Variants in CACNA2D1 observed in about 807,000 individuals in gnomAD.
CACNA2D1 encodes the protein voltage-dependent calcium channel subunit alpha-2/delta-1.
Under a neutral mutation model 171.5 loss-of-function variants are expected in CACNA2D1, and 53 were observed. The ratio of observed to expected loss-of-function variants is 0.31; its 90% confidence interval spans 0.25 to 0.39. CACNA2D1 has a LOEUF of 0.39. Among genes scored for constraint, CACNA2D1 ranks in the 10% least tolerant of loss-of-function variants. The pLI is 1.00. For missense variants in CACNA2D1, 903 were observed against 1,299.8 expected (o/e 0.69, Z 4.69); for synonymous variants, 442 against 443.1 (o/e 1.00, Z 0.03).
At chr7:82,402,835 C>T (rs538695647) in intron 1 of CACNA2D1, among the ~76,000 whole-genome samples, 7 of 150,602 alleles carry the variant, frequency 4.6e-5, no homozygotes, top group South Asian at 2.1e-4. Flanking sequence ...TCAGAAGTTA[C>T]GGGTTTTTTT....
chr7:82,315,010 C>T (rs1183237923), intron 3 of CACNA2D1, among the ~76,000 whole-genome samples: 1 of 142,614 alleles, frequency 7.0e-6, no homozygotes, highest in Non-Finnish European at 1.5e-5. Flanking sequence ...CAGAGTCTCA[C>T]TCTGTCTCCC....
At chr7:82,404,569 TAGTTAC>T (rs71924452) in intron 1 of CACNA2D1, among the ~76,000 whole-genome samples, 7,086 of 152,280 alleles carry the variant, frequency 0.047, 176 homozygotes, top group Middle Eastern at 0.058. Flanking sequence ...GGAATAAATT[TAGTTAC>T]ATTTCTTGCA....
At chr7:82,306,342 G>A (rs917386291) in intron 3 of CACNA2D1, among the ~76,000 whole-genome samples, 2 of 152,170 alleles carry the variant, frequency 1.3e-5, no homozygotes, top group Non-Finnish European at 2.9e-5. Context: ...AACCTCTCAG[G>A]TGAATATGTC....
chr7:82,060,178 AAT>A (rs1491531516), intron 10 of CACNA2D1, among the ~76,000 whole-genome samples: 166 of 15,910 alleles, frequency 0.01, 13 homozygotes, highest in African/African-American at 0.026. Context: ...ATATATATAT[AAT>A]ATATATATAT....
Position 82,437,819 on chromosome 7 carries a change from T to C in CACNA2D1, c.95+5546A>G, listed in dbSNP as rs183790581. Among the ~76,000 whole-genome samples the C allele has an allele frequency of 4.8e-3, 733 of 152,284 alleles. 3 individuals are homozygous for C. The highest frequency in any genetic ancestry group is 0.017 in the African/African-American group (686 of 41,566). On this transcript the variant is annotated intron_variant, in intron 1 of 38. Transcript: ENST00000356860. Reference sequence around the variant, plus strand: ...AGATGTAAAGCCTACAAAGAAGGGATATTTAAGAGCTTATATTTTACAAAT... The same window carrying C: ...AGATGTAAAGCCTACAAAGAAGGGACATTTAAGAGCTTATATTTTACAAAT...
chr7:82,287,246 G>A (rs1209959330), intron 3 of CACNA2D1, among the ~76,000 whole-genome samples: 2 of 143,804 alleles, frequency 1.4e-5, no homozygotes, highest in Admixed American at 7.0e-5. Flanking sequence ...TAGACTTTTG[G>A]CTTCTTCTTT....
rs148085891 is a variant in CACNA2D1, at chr7:81,970,780, T to C, written c.2142-43A>G. 1,917 of 1,242,056 alleles carry C rather than the reference T, an allele frequency of 1.5e-3. 19 individuals carry two copies. The African/African-American group carries it at 0.022, about 14-fold the overall frequency. The allele number at this position is 1,242,056 out of a possible 1,614,324, so 76.9% of individuals were successfully genotyped here. A position where few individuals can be genotyped will look rare whatever the true frequency, so the allele number is the denominator to read the frequency against. On this transcript the variant is annotated intron_variant, in intron 26 of 38. Transcript: ENST00000356860. Reference sequence around the variant, plus strand: ...ACAAGGAAATGTTCTATTGAACATATTCTAAAAAACAAAGTTAGGTGTTGG... The same window carrying C: ...ACAAGGAAATGTTCTATTGAACATACTCTAAAAAACAAAGTTAGGTGTTGG...
At chr7:81,955,804 T>C (rs938078038) in intron 38 of CACNA2D1, among the ~76,000 whole-genome samples, 4 of 148,906 alleles carry the variant, frequency 2.7e-5, no homozygotes, top group African/African-American at 9.9e-5. Context: ...ATCTGGTACA[T>C]AAATATCCTA....
chr7:82,392,198 A>C (rs1825192608), intron 1 of CACNA2D1, among the ~76,000 whole-genome samples: 1 of 152,164 alleles, frequency 6.6e-6, no homozygotes, highest in Non-Finnish European at 1.5e-5. Context: ...CTGTCCTGCC[A>C]ACCTTTGAAT....
At chr7:82,443,255 C>G in intron 1 of CACNA2D1, 110 bp downstream of exon 1, 1 of 1,083,238 alleles carries the variant, frequency 9.2e-7, no homozygotes, top group Non-Finnish European at 1.3e-6. Flanking sequence ...CCCGGCCGCT[C>G]GCTCCCCACC....
chr7:82,032,625 T>A (rs1260865577), intron 12 of CACNA2D1, among the ~76,000 whole-genome samples, 172 bp downstream of exon 12: 1 of 151,868 alleles, frequency 6.6e-6, no homozygotes, highest in East Asian at 1.9e-4. Context: ...AATATTATAC[T>A]TAACAGCTCT....
intron 24 of CACNA2D1, among the ~76,000 whole-genome samples, chr7:81,980,171 G>GAAA (rs1218127441): frequency 1.8e-4 from 1 of 5,574 alleles, no homozygotes. Flanking sequence ...CTAAAACCAA[G>GAAA]CAAAAAAAAA....
At chr7:82,409,504 A>G (rs1473181388) in intron 1 of CACNA2D1, among the ~76,000 whole-genome samples, 2 of 152,202 alleles carry the variant, frequency 1.3e-5, no homozygotes, top group East Asian at 3.8e-4. Context: ...CTATTCAGTG[A>G]TTCTCAACTT....
chr7:81,958,868 C>G (rs1269470197), intron 38 of CACNA2D1, among the ~76,000 whole-genome samples: 2 of 150,708 alleles, frequency 1.3e-5, no homozygotes, highest in African/African-American at 4.9e-5. Context: ...CACTAGAACT[C>G]TGTAATAATA....
chr7:82,442,513 AAGGAG>A (rs1202671100), intron 1 of CACNA2D1, among the ~76,000 whole-genome samples: 11 of 152,188 alleles, frequency 7.2e-5, no homozygotes, highest in Non-Finnish European at 8.8e-5. Flanking sequence ...TTTGCTAAGA[AAGGAG>A]AGAATTATTA....
chr7:82,014,354 C>A lies in CACNA2D1; in HGVS notation c.1222+47G>T. On this transcript the variant is annotated intron_variant, in intron 13 of 38. Transcript: ENST00000356860. Reference sequence around the variant, plus strand: ...AATAAGTACACCTAATAACAACTACCAAAATAGTTTTTCTTCTAATTTATT... The same window carrying A: ...AATAAGTACACCTAATAACAACTACAAAAATAGTTTTTCTTCTAATTTATT... 2.9e-6 allele frequency: 3 copies of A among 1,029,338 alleles called. No homozygotes were observed. In the South Asian group the frequency reaches 3.8e-5, roughly 13 times the overall value. The allele number at this position is 1,029,338 out of a possible 1,614,324, so 63.8% of individuals were successfully genotyped here.
At chr7:82,061,144 C>T (rs1051947220) in intron 9 of CACNA2D1, among the ~76,000 whole-genome samples, 10 of 152,142 alleles carry the variant, frequency 6.6e-5, no homozygotes, top group Non-Finnish European at 1.2e-4. Context: ...TTTTATCCTT[C>T]GAGCTGCCTG....
chr7:82,099,044 A>G (rs557660074), intron 6 of CACNA2D1, among the ~76,000 whole-genome samples: 2 of 152,178 alleles, frequency 1.3e-5, no homozygotes, highest in Non-Finnish European at 2.9e-5. Flanking sequence ...GAATTTTACC[A>G]TTCTTCCCAA....
At position 82,395,470 on chromosome 7, in the gene CACNA2D1, C is replaced by T. The variant is rs138945537; in HGVS notation, c.96-45821G>A. On this transcript the variant is annotated intron_variant, in intron 1 of 38. Coordinates refer to ENST00000356860, the MANE Select transcript of CACNA2D1 (RefSeq NM_000722.4). ...TTGTATTATATTAGTAGTAATTCAA[C>T]GTAATGTAGTTACATATTTAAAAAC... 4.6e-5 allele frequency among the ~76,000 whole-genome samples: 7 copies of T among 152,210 alleles called. No individual in the cohort carries two copies. In the East Asian group the frequency reaches 7.7e-4, roughly 17 times the overall value.
Sources: allele counts gnomAD v4.1 joint callset (sites outside exome capture counted in the v4.1 genomes callset), GRCh38; gene constraint gnomAD v4.1.1; transcripts MANE v1.5; gene names NCBI Gene and HGNC (gene_info 2026-07-23, HGNC 2026-07-21).